SLIT1: variants seen among roughly 807,000 people sequenced by gnomAD.
SLIT1 encodes the protein slit guidance ligand 1, also known as slit homolog 1 protein.
Under a neutral mutation model 186.1 loss-of-function variants are expected in SLIT1, and 66 were observed. That is an observed-to-expected ratio of 0.35 (90% confidence interval 0.29 to 0.44). SLIT1 has a LOEUF of 0.44. Among genes scored for constraint, SLIT1 ranks in the 20% least tolerant of loss-of-function variants. SLIT1 has a pLI of 1.00. For missense variants in SLIT1, 1,638 were observed against 2,037.4 expected (o/e 0.80, Z 3.77); for synonymous variants, 761 against 833.8 (o/e 0.91, Z 1.50).
At chr10:97,025,680 G>T (rs920089222) in intron 25 of SLIT1, among the ~76,000 whole-genome samples, 2 of 152,186 alleles carry the variant, frequency 1.3e-5, no homozygotes, top group African/African-American at 4.8e-5. Flanking sequence ...GTGGATTCAG[G>T]TTTATACCCC....
At chr10:97,051,985 T>C (rs1197273323) in intron 13 of SLIT1, among the ~76,000 whole-genome samples, 2 of 151,714 alleles carry the variant, frequency 1.3e-5, no homozygotes, top group Admixed American at 6.6e-5. Flanking sequence ...TATTTGGCGA[T>C]CAAAAGGAAC....
chr10:97,163,122 C>T (rs1850053131), intron 3 of SLIT1, among the ~76,000 whole-genome samples: 1 of 152,204 alleles, frequency 6.6e-6, no homozygotes, highest in Non-Finnish European at 1.5e-5. Flanking sequence ...TTTTTGCCAT[C>T]CCGTATCTTC....
At chr10:97,115,631 T>C (rs1178017095) in intron 4 of SLIT1, among the ~76,000 whole-genome samples, 1 of 152,050 alleles carries the variant, frequency 6.6e-6, no homozygotes, top group African/African-American at 2.4e-5. Context: ...TCCTGACCCC[T>C]GAGTCCCTCC....
chr10:97,083,044 A>T (rs1306027531), intron 4 of SLIT1, among the ~76,000 whole-genome samples: 1 of 152,144 alleles, frequency 6.6e-6, no homozygotes, highest in Non-Finnish European at 1.5e-5. Flanking sequence ...CTCAGCCTGC[A>T]GAGTAGCTAG....
At chr10:97,037,596 G>T in intron 22 of SLIT1, 102 bp downstream of exon 22, 1 of 881,666 alleles carries the variant, frequency 1.1e-6, no homozygotes, top group Non-Finnish European at 1.8e-6. Flanking sequence ...AAAGAAGCAG[G>T]ATCTGCCCAG....
At chr10:97,157,757 C>T (rs533264617) in intron 4 of SLIT1, 61 bp downstream of exon 4, 2 of 1,298,664 alleles carry the variant, frequency 1.5e-6, no homozygotes, top group African/African-American at 1.5e-5. Context: ...AACACTGTGC[C>T]TCCCACAGGG....
At chr10:97,114,942 G>A (rs1202654277) in intron 4 of SLIT1, among the ~76,000 whole-genome samples, 2 of 152,156 alleles carry the variant, frequency 1.3e-5, no homozygotes, top group African/African-American at 4.8e-5. Flanking sequence ...AAAACCCTTA[G>A]CACATGATAA....
intron 4 of SLIT1, among the ~76,000 whole-genome samples, chr10:97,100,890 G>A (rs1347024399): frequency 6.6e-6 from 1 of 152,338 alleles, no homozygotes; most frequent in East Asian, 1.9e-4. Context: ...TGCTCAGGGA[G>A]GGGAGGAAAA....
chr10:97,161,042 A>C (rs1322792333), intron 3 of SLIT1, among the ~76,000 whole-genome samples: 2 of 152,120 alleles, frequency 1.3e-5, no homozygotes, highest in Non-Finnish European at 1.5e-5. Context: ...GTGGTTTTTA[A>C]TGACTCTGCA....
rs528244957 is a variant in SLIT1, at chr10:97,096,250, G to C, written c.414-30164C>G. Among the ~76,000 whole-genome samples, 70 of 152,160 alleles carry C rather than the reference G, an allele frequency of 4.6e-4. No homozygotes were observed. In the South Asian group the frequency reaches 0.014, roughly 31 times the overall value. ...CCAAATGAAATTTGAGATGTCACTT[G>C]TTTTTTTAATCACAAAAAAGGCTGA... On this transcript the variant is annotated intron_variant, in intron 4 of 36. Coordinates refer to ENST00000266058, the MANE Select transcript of SLIT1 (RefSeq NM_003061.3).
rs140400112 is a variant in SLIT1 at position 97,094,207 on chromosome 10, G to C, written c.414-28121C>G. ...AGAATTCAAGGCAGCTAGTACCAGA[G>C]CTCGTGCTGGAACCAGAACCTCCAG... On this transcript the variant is annotated intron_variant, in intron 4 of 36. Transcript: ENST00000266058. Among the ~76,000 whole-genome samples, 13 of 152,346 alleles carry C rather than the reference G, an allele frequency of 8.5e-5. No homozygotes were observed. In the East Asian group the frequency reaches 2.5e-3, roughly 29 times the overall value.
intron 4 of SLIT1, among the ~76,000 whole-genome samples, chr10:97,087,882 A>G (rs571480725): frequency 6.6e-6 from 1 of 152,274 alleles, no homozygotes; most frequent in South Asian, 2.1e-4. Context: ...CAAGCCAGGT[A>G]AACTAAAGCC....
At chr10:97,182,700 A>G (rs1460738899) in intron 1 of SLIT1, among the ~76,000 whole-genome samples, 1 of 152,098 alleles carries the variant, frequency 6.6e-6, no homozygotes, top group Admixed American at 6.5e-5. Flanking sequence ...CCTTCCCAAC[A>G]TCTCTTTCCA....
chr10:97,118,266 C>T (rs1272440019), intron 4 of SLIT1, among the ~76,000 whole-genome samples: 1 of 152,222 alleles, frequency 6.6e-6, no homozygotes, highest in Non-Finnish European at 1.5e-5. Flanking sequence ...CCCGAGGTCA[C>T]AGGCTGCGTA....
intron 16 of SLIT1, 55 bp downstream of exon 16, chr10:97,047,635 G>A (rs539993135): frequency 6.5e-7 from 1 of 1,548,302 alleles, no homozygotes; most frequent in South Asian, 1.1e-5. Flanking sequence ...GTAGGCCAAG[G>A]AGGGTTAGTG....
intron 4 of SLIT1, among the ~76,000 whole-genome samples, chr10:97,076,155 G>A (rs544742604): frequency 6.6e-6 from 1 of 152,320 alleles, no homozygotes. Context: ...AGATGCCTGA[G>A]GGCACGGGTG....
At chr10:97,074,776 T>C (rs890504178) in intron 4 of SLIT1, among the ~76,000 whole-genome samples, 2 of 152,152 alleles carry the variant, frequency 1.3e-5, no homozygotes, top group African/African-American at 4.8e-5. Flanking sequence ...CTTGGCACCA[T>C]CCCCAGGCAC....
chr10:97,142,393 T>C (rs1263480318), intron 4 of SLIT1, among the ~76,000 whole-genome samples: 7 of 152,186 alleles, frequency 4.6e-5, no homozygotes, highest in Non-Finnish European at 8.8e-5. Flanking sequence ...CTTCAACAAA[T>C]GATGCTGGGA....
In SLIT1 at chr10:97,185,530, C is replaced by T; in HGVS notation, c.145G>A (p.Gly49Ser). The T allele has an allele frequency of 6.2e-7, 1 of 1,612,266 alleles. No individual in the cohort carries two copies. Among genetic ancestry groups the T allele is most frequent in the Non-Finnish European group, 8.5e-7 (1 of 1,179,670 alleles). ...TCTGTTVDCH[G>S]TGLQAIPKNI... ...TTGGGAATGGCCTGCAGCCCCGTGC[C>T]GTGGCAGTCCACCGTGGTTCCGGTG... The change falls in exon 1 of 37, where the codon GGC becomes AGC. Residue 49 changes from glycine (G) to serine (S), a missense_variant. Around this residue, in one of 3 missense-constraint regions of SLIT1, gnomAD observed 1,245 missense variants for 1,535.3 expected, o/e 0.81. Transcript: ENST00000266058.
Sources: gnomAD v4.1 joint callset for allele counts (sites outside exome capture counted in the v4.1 genomes callset) on GRCh38, gnomAD v4.1.1 for gene constraint, gnomAD v4.1.1 regional missense constraint, MANE v1.5 for transcripts, NCBI Gene and HGNC (gene_info 2026-07-23, HGNC 2026-07-21) for gene names.